NFASC: variants seen among roughly 807,000 people sequenced by gnomAD.
NFASC encodes neurofascin homolog.
Under a neutral mutation model 147.5 loss-of-function variants are expected in NFASC, and 43 were observed. The observed-to-expected ratio is 0.29, with a 90% CI of 0.23 to 0.38. NFASC has a LOEUF of 0.38. Among genes scored for constraint, NFASC ranks in the 10% least tolerant of loss-of-function variants. The pLI, the probability that NFASC is intolerant of heterozygous loss-of-function variation, is 1.00. For synonymous variants in NFASC, 622 were observed against 665.5 expected (o/e 0.93, Z 1.01); for missense variants, 1,320 against 1,689.0 (o/e 0.78, Z 3.83).
chr1:204,876,237 C>T (rs865830936), intron 1 of NFASC, among the ~76,000 whole-genome samples: 1 of 152,128 alleles, frequency 6.6e-6, no homozygotes, highest in Non-Finnish European at 1.5e-5. Context: ...GTAACCACCA[C>T]TCCAATCAAG....
At chr1:204,992,359 C>T (rs995966918) in intron 24 of NFASC, among the ~76,000 whole-genome samples, 4 of 152,280 alleles carry the variant, frequency 2.6e-5, no homozygotes, top group Admixed American at 1.3e-4. Flanking sequence ...AATTCGATTT[C>T]CTCCTCGCCT....
At chr1:205,013,467 C>A (rs1425733558) in intron 29 of NFASC, among the ~76,000 whole-genome samples, 2 of 152,142 alleles carry the variant, frequency 1.3e-5, no homozygotes, top group Admixed American at 1.3e-4. Context: ...GAGGCCCAGA[C>A]CAGGAAGCGA....
intron 23 of NFASC, 62 bp downstream of exon 23, chr1:204,988,868 A>G: frequency 2.0e-6 from 3 of 1,497,878 alleles, no homozygotes; most frequent in Non-Finnish European, 1.9e-6. Flanking sequence ...GCCTAGAGAA[A>G]CACTGAGATC....
chr1:204,989,124 A>C, intron 23 of NFASC: 1 of 378,624 alleles, frequency 2.6e-6, no homozygotes, highest in Non-Finnish European at 4.9e-6. Context: ...AATGAGAGAA[A>C]TCATAATGAA....
In NFASC at chr1:204,968,318, T is replaced by C. The variant is rs781285508; in HGVS notation, c.776T>C (p.Leu259Pro). The C allele has an allele frequency of 6.2e-7, 1 of 1,614,104 alleles. No individual in the cohort carries two copies. The highest frequency in any genetic ancestry group is 8.5e-7 in the Non-Finnish European group (1 of 1,180,036). ...PQGTASSQMV[L>P]RGMDLLLECI... is the part of the protein sequence containing the mutation. ...GGCACCGCGAGCAGCCAGATGGTGC[T>C]TCGTGGCATGGACCTCCTGCTGGAA... Residue 259 changes from leucine (L) to proline (P), a missense_variant, in exon 9 of 30, where the codon CTT becomes CCT. By Grantham distance (98) the Leu-to-Pro change is moderately conservative. This residue lies in a region of NFASC where 981 missense variants were observed against 1,289.5 expected (regional missense o/e 0.76). Coordinates refer to ENST00000339876, the MANE Select transcript of NFASC (RefSeq NM_001005388.3). This position sits in a 1 kb window ranked among gnomAD's most constrained non-coding sequence, Gnocchi z 5.4.
At chr1:204,936,194 C>CTTTTTTTTT in intron 2 of NFASC, among the ~76,000 whole-genome samples, 1 of 63,828 alleles carries the variant, frequency 1.6e-5, no homozygotes, top group Non-Finnish European at 3.2e-5. Context: ...CTCTCTCTCT[C>CTTTTTTTTT]TTTCTTTTTC....
intron 1 of NFASC, among the ~76,000 whole-genome samples, chr1:204,882,767 A>G (rs769862820): frequency 1.3e-5 from 2 of 152,162 alleles, no homozygotes; most frequent in Non-Finnish European, 2.9e-5. Flanking sequence ...AATGTTTACC[A>G]TGTGCTTTTC....
At chr1:204,957,035 G>A (rs1218411715) in intron 7 of NFASC, among the ~76,000 whole-genome samples, 1 of 152,276 alleles carries the variant, frequency 6.6e-6, no homozygotes, top group Non-Finnish European at 1.5e-5. Flanking sequence ...AACTGATGAT[G>A]TACATCATTG....
In NFASC at chr1:204,979,089, C is replaced by A; in HGVS notation, c.1978+20C>A. ...TCACAGGTAGCTCAGGGCCTTGCAC[C>A]CCAAAGCTGGAAAAGAGGGACGGCA... On this transcript the variant is annotated intron_variant, in intron 18 of 29. Coordinates refer to ENST00000339876, the MANE Select transcript of NFASC (RefSeq NM_001005388.3). This position sits in a 1 kb window ranked among gnomAD's most constrained non-coding sequence, Gnocchi z 6.0. 6.5e-7 allele frequency: 1 copy of A among 1,537,758 alleles called. No homozygotes were observed. Among genetic ancestry groups the A allele is most frequent in the Non-Finnish European group, 8.8e-7 (1 of 1,135,512 alleles).
intron 1 of NFASC, among the ~76,000 whole-genome samples, chr1:204,916,722 G>GTTTGTTT (rs139724781): frequency 0.93 from 140,665 of 151,200 alleles, 65,678 homozygotes; most frequent in Non-Finnish European, 0.97. Flanking sequence ...TTTTTTGTTT[G>GTTTGTTT]TTTGTTTTTT....
chr1:204,909,234 G>T (rs2086751966), intron 1 of NFASC, among the ~76,000 whole-genome samples: 1 of 152,158 alleles, frequency 6.6e-6, no homozygotes, highest in South Asian at 2.1e-4. Flanking sequence ...CTCCACATCT[G>T]CACCAGCCTT....
In NFASC at chr1:204,997,382, T is replaced by G; in HGVS notation, c.2995T>G (p.Ser999Ala). 6.4e-7 allele frequency: 1 copy of G among 1,552,322 alleles called. No homozygotes were observed. The highest frequency in any genetic ancestry group is 8.7e-7 in the Non-Finnish European group (1 of 1,147,400). ...CACGGAGAGTCCTCCCACCACCACC[T>G]CCGGGACTAAGATACACGAATCCGG... ...TTTESPPTTT[S>A]GTKIHESAPD... The change falls in exon 25 of 30, where the codon TCC (serine) becomes GCC (alanine). Residue 999 changes from serine (S) to alanine (A), a missense_variant. Ser to Ala is a moderately conservative substitution (Grantham distance 99). This residue lies in a region of NFASC where 172 missense variants were observed against 165.8 expected (regional missense o/e 1.04). Transcript: ENST00000339876.
chr1:204,954,128 G>A lies in NFASC; in HGVS notation c.216-60G>A. 2 of 1,500,562 alleles carry A rather than the reference G, an allele frequency of 1.3e-6. No individual in the cohort carries two copies. Among genetic ancestry groups the A allele is most frequent in the South Asian group, 2.3e-5 (2 of 87,942 alleles). 93.0% of individuals were successfully genotyped at this position (1,500,562 alleles called of 1,614,324 possible). A position where few individuals can be genotyped will look rare whatever the true frequency, so the allele number is the denominator to read the frequency against. Reference sequence around the variant, plus strand: ...GCCAGGGACTAGGGATCTGAGATCTGCCTGGAGCCCAGAGCCCACCCCATT... The same window carrying A: ...GCCAGGGACTAGGGATCTGAGATCTACCTGGAGCCCAGAGCCCACCCCATT... On this transcript the variant is annotated intron_variant, in intron 5 of 29. Transcript: ENST00000339876. This position sits in a 1 kb window ranked among gnomAD's most constrained non-coding sequence, Gnocchi z 5.7.
At chr1:204,927,948 A>G (rs1438661955) in intron 2 of NFASC, among the ~76,000 whole-genome samples, 1 of 152,196 alleles carries the variant, frequency 6.6e-6, no homozygotes, top group Admixed American at 6.5e-5. Flanking sequence ...CTTGAATTGT[A>G]GAGAGGTGGG....
intron 26 of NFASC, among the ~76,000 whole-genome samples, 199 bp downstream of exon 26, chr1:205,001,485 A>AG (rs1311813846): frequency 2.0e-5 from 3 of 152,130 alleles, no homozygotes; most frequent in African/African-American, 7.2e-5. Context: ...AGGAAAAGGA[A>AG]GGGGGCTTCT....
At chr1:204,896,031 T>G (rs970838378) in intron 1 of NFASC, among the ~76,000 whole-genome samples, 7 of 152,236 alleles carry the variant, frequency 4.6e-5, no homozygotes, top group Admixed American at 3.9e-4. Flanking sequence ...TTATTTTGTT[T>G]AGGAGCTTCT....
At chr1:204,841,975 T>G (rs1233751815) in intron 1 of NFASC, among the ~76,000 whole-genome samples, 1 of 152,196 alleles carries the variant, frequency 6.6e-6, no homozygotes, top group East Asian at 1.9e-4. Context: ...AAGGGTTGAT[T>G]TGCATGGTCT....
intron 1 of NFASC, among the ~76,000 whole-genome samples, chr1:204,915,951 T>C (rs2089152066): frequency 6.6e-6 from 1 of 152,196 alleles, no homozygotes; most frequent in Non-Finnish European, 1.5e-5. Context: ...AAGAAAGAAG[T>C]GTTGGAGCTG....
In NFASC at chr1:204,984,203, G is replaced by T. The variant is rs918343861; in HGVS notation, c.2470+2183G>T. The T allele has an allele frequency of 3.8e-6, 4 of 1,043,222 alleles. No homozygotes were observed. In the African/African-American group the frequency reaches 6.3e-5, roughly 16 times the overall value. The allele number at this position is 1,043,222 out of a possible 1,614,324, so 64.6% of individuals were successfully genotyped here. On this transcript the variant is annotated intron_variant, in intron 21 of 29. Coordinates refer to ENST00000339876, the MANE Select transcript of NFASC (RefSeq NM_001005388.3). Reference sequence around the variant, plus strand: ...AGCTCACTAACCAGGGCCAGGGGTAGCAAATGCGGGCTATAAGATATTTGA... The same window carrying T: ...AGCTCACTAACCAGGGCCAGGGGTATCAAATGCGGGCTATAAGATATTTGA...
Sources: allele counts gnomAD v4.1 joint callset (sites outside exome capture counted in the v4.1 genomes callset), GRCh38; gene constraint gnomAD v4.1.1; regional missense constraint gnomAD v4.1.1; non-coding constraint Gnocchi (gnomAD v3.1); transcripts MANE v1.5; gene names NCBI Gene and HGNC (gene_info 2026-07-23, HGNC 2026-07-21).